The following TNFAIP6 variants were observed in gnomAD, a reference collection of about 807,000 sequenced individuals.
TNFAIP6 encodes tumor necrosis factor-inducible gene 6 protein.
TNFAIP6 carries 36 observed loss-of-function variants against 33.7 expected under a neutral mutation model. That is an observed-to-expected ratio of 1.07 (90% confidence interval 0.82 to 1.41). The LOEUF is 1.41. Ranked by LOEUF, TNFAIP6 falls within the 40% of genes most tolerant of loss-of-function variation. TNFAIP6 has a pLI of 0.00. For missense variants in TNFAIP6, 273 were observed against 331.9 expected (o/e 0.82, Z 1.38); for synonymous variants, 113 against 112.8 (o/e 1.00, Z -0.01).
chr2:151,366,149 G>A lies in TNFAIP6; in HGVS notation c.326G>A (p.Gly109Asp). 5 of 1,614,108 alleles carry A rather than the reference G, an allele frequency of 3.1e-6. No individual in the cohort carries two copies. Among genetic ancestry groups the A allele is most frequent in the Non-Finnish European group, 4.2e-6 (5 of 1,180,002 alleles). The change falls in exon 3 of 6, where the codon GGC becomes GAC. Residue 109 changes from glycine to aspartate, a missense_variant. By Grantham distance (94) the Gly-to-Asp change is moderately conservative (BLOSUM62 -1). Transcript: ENST00000243347. ...CCCAACTGTGGATTTGGAAAAACTG[G>A]CATTATTGATTATGGAATCCGTCTC... ...PGPNCGFGKTGIIDYGIRLNR... is the reference protein window; with the variant it reads ...PGPNCGFGKTDIIDYGIRLNR...
intron 2 of TNFAIP6, among the ~76,000 whole-genome samples, chr2:151,364,578 G>A (rs3755480): frequency 0.18 from 27,396 of 152,104 alleles, 2,827 homozygotes; most frequent in African/African-American, 0.29. Context: ...ATAAGGAAAA[G>A]GAGGACAGGA....
intron 5 of TNFAIP6, among the ~76,000 whole-genome samples, chr2:151,374,954 C>A (rs1017910754): frequency 6.6e-6 from 1 of 151,818 alleles, no homozygotes; most frequent in Non-Finnish European, 1.5e-5. Context: ...GGAGAAACAC[C>A]GTCTCTACCA....
intron 5 of TNFAIP6, among the ~76,000 whole-genome samples, chr2:151,374,756 CAG>C (rs1301569945): frequency 1.3e-5 from 2 of 152,096 alleles, no homozygotes; most frequent in African/African-American, 2.4e-5. Context: ...TTTATATTAA[CAG>C]AAAGTTGAAA....
intron 3 of TNFAIP6, among the ~76,000 whole-genome samples, chr2:151,367,499 T>G (rs1013365947): frequency 1.4e-4 from 22 of 152,188 alleles, no homozygotes; most frequent in Non-Finnish European, 2.8e-4. Context: ...TCTCTGATTC[T>G]TCTTTCACTT....
chr2:151,366,018 T>C lies in TNFAIP6; in HGVS notation c.233-38T>C, dbSNP rs1207276442. 22 of 1,605,010 alleles carry C rather than the reference T, an allele frequency of 1.4e-5. No homozygotes were observed. The South Asian group carries it at 2.4e-4, about 18-fold the overall frequency. On this transcript the variant is annotated intron_variant, in intron 2 of 5. Transcript: ENST00000243347. The stretch of plus-strand genomic sequence containing the variant: ...GATGACTTTTGCTTAGCCAAGACAG[T>C]TTACCTGTTTAGTCCATAACTCTTT...
At chr2:151,377,258 C>G (rs1369849396) in intron 5 of TNFAIP6, among the ~76,000 whole-genome samples, 1 of 151,846 alleles carries the variant, frequency 6.6e-6, no homozygotes, top group Non-Finnish European at 1.5e-5. Flanking sequence ...CAAGCTCCGC[C>G]TCCCGGGTTC....
intron 3 of TNFAIP6, among the ~76,000 whole-genome samples, chr2:151,369,356 T>C (rs1684772603): frequency 6.6e-6 from 1 of 152,232 alleles, no homozygotes; most frequent in Non-Finnish European, 1.5e-5. Flanking sequence ...GGTCTCACTA[T>C]GTTGCCCAGG....
chr2:151,376,418 C>CA (rs34551708), intron 5 of TNFAIP6, among the ~76,000 whole-genome samples: 81 of 114,850 alleles, frequency 7.1e-4, no homozygotes, highest in Admixed American at 1.2e-3. Context: ...TATTCTGTCT[C>CA]AAAAAAAAAA....
At chr2:151,370,329 C>A in intron 4 of TNFAIP6, 81 bp downstream of exon 4, 1 of 1,016,598 alleles carries the variant, frequency 9.8e-7, no homozygotes, top group Non-Finnish European at 1.5e-6. Flanking sequence ...CCTCAACTGT[C>A]CCTATAATAT....
At chr2:151,358,254 G>C (rs1436195855) in intron 1 of TNFAIP6, among the ~76,000 whole-genome samples, 1 of 152,172 alleles carries the variant, frequency 6.6e-6, no homozygotes, top group African/African-American at 2.4e-5. Flanking sequence ...GACCAAGCCA[G>C]CTTGCAGTAC....
intron 4 of TNFAIP6, among the ~76,000 whole-genome samples, chr2:151,371,247 T>G (rs1684811359): frequency 6.6e-6 from 1 of 152,176 alleles, no homozygotes; most frequent in Non-Finnish European, 1.5e-5. Flanking sequence ...ACACTCCAAA[T>G]CTTTAATATA....
At chr2:151,360,639 C>A (rs1485275474) in intron 1 of TNFAIP6, among the ~76,000 whole-genome samples, 5 of 152,076 alleles carry the variant, frequency 3.3e-5, no homozygotes, top group Non-Finnish European at 4.4e-5. Context: ...TAATAAAACA[C>A]CTTATTTAAA....
At chr2:151,368,263 A>T (rs1209367903) in intron 3 of TNFAIP6, 1 of 153,504 alleles carries the variant, frequency 6.5e-6, no homozygotes, top group Non-Finnish European at 1.5e-5. Context: ...GGCTACATTT[A>T]TTTTACCAAT....
chr2:151,380,268 A>C (rs1016562929), downstream of TNFAIP6, among the ~76,000 whole-genome samples: 1 of 152,004 alleles, frequency 6.6e-6, no homozygotes, highest in Admixed American at 6.6e-5. Flanking sequence ...CTATTTTTAA[A>C]AACTGATATA....
At chr2:151,379,289 T>C in intron 5 of TNFAIP6, 75 bp from the exon 6 acceptor site, 1 of 1,314,606 alleles carries the variant, frequency 7.6e-7, no homozygotes, top group Admixed American at 2.5e-5. Flanking sequence ...CCTATGAGAA[T>C]GAAGAGTCTT....
intron 1 of TNFAIP6, among the ~76,000 whole-genome samples, chr2:151,362,093 C>T (rs1684633709): frequency 1.3e-5 from 2 of 152,138 alleles, no homozygotes; most frequent in African/African-American, 2.4e-5. Flanking sequence ...TGGCTGATTG[C>T]ACAGGTCAGA....
chr2:151,376,050 G>C (rs1573786602), intron 5 of TNFAIP6, among the ~76,000 whole-genome samples: 1 of 152,084 alleles, frequency 6.6e-6, no homozygotes, highest in Non-Finnish European at 1.5e-5. Context: ...GTTCAAGACA[G>C]CCTGGCCAAT....
chr2:151,367,564 T>C (rs540102665), intron 3 of TNFAIP6, among the ~76,000 whole-genome samples: 1 of 152,296 alleles, frequency 6.6e-6, no homozygotes, highest in Non-Finnish European at 1.5e-5. Flanking sequence ...GATTAAACTC[T>C]AGAGTCATTG....
chr2:151,372,628 A>C (rs1684836310), intron 4 of TNFAIP6, among the ~76,000 whole-genome samples: 1 of 152,196 alleles, frequency 6.6e-6, no homozygotes, highest in Non-Finnish European at 1.5e-5. Context: ...AATTAGAAAT[A>C]AATTTTTAAG....
Sources: gnomAD v4.1 joint callset for allele counts (sites outside exome capture counted in the v4.1 genomes callset) on GRCh38, gnomAD v4.1.1 for gene constraint, MANE v1.5 for transcripts, NCBI Gene and HGNC (gene_info 2026-07-23, HGNC 2026-07-21) for gene names.